Variants in COP1 observed in about 807,000 individuals in gnomAD.
COP1 encodes the protein COP1 E3 ubiquitin ligase.
COP1 carries 24 observed loss-of-function variants against 101.3 expected under a neutral mutation model. That is an observed-to-expected ratio of 0.24 (90% CI 0.17 to 0.33). The LOEUF (loss-of-function observed/expected upper bound fraction) is 0.33. Ranked by LOEUF, COP1 falls within the 10% of genes least tolerant of loss-of-function variation. COP1 has a pLI of 1.00. For synonymous variants in COP1, 347 were observed against 341.9 expected (o/e 1.01, Z -0.17); for missense variants, 663 against 906.2 (o/e 0.73, Z 3.45).
intron 15 of COP1, among the ~76,000 whole-genome samples, chr1:176,021,675 G>A (rs1233789825): frequency 6.6e-6 from 1 of 152,100 alleles, no homozygotes. Flanking sequence ...ACAATGATAG[G>A]AAAGAACTGA....
chr1:176,200,561 C>T (rs1356961945), intron 1 of COP1, among the ~76,000 whole-genome samples: 3 of 152,194 alleles, frequency 2.0e-5, no homozygotes, highest in Admixed American at 1.3e-4. Flanking sequence ...CCAATGGTTA[C>T]ACCAGAAATA....
chr1:176,181,608 C>T (rs569690122), intron 2 of COP1, among the ~76,000 whole-genome samples: 2 of 151,930 alleles, frequency 1.3e-5, no homozygotes, highest in South Asian at 2.1e-4. Flanking sequence ...TTTGGGAGGC[C>T]GAGGCGGGCG....
At chr1:176,094,541 ATATTTATCAACT>A (rs1681979535) in intron 9 of COP1, among the ~76,000 whole-genome samples, 2 of 152,064 alleles carry the variant, frequency 1.3e-5, no homozygotes, top group South Asian at 4.1e-4. Flanking sequence ...TCAAACAGAA[ATATTTATCAACT>A]ATGTTAATTT....
At chr1:176,094,673 T>TAA (rs397965708) in intron 9 of COP1, among the ~76,000 whole-genome samples, 10 of 133,974 alleles carry the variant, frequency 7.5e-5, no homozygotes, top group East Asian at 4.2e-4. Context: ...TGGAAAAAGT[T>TAA]AAAAAAAAAA....
At chr1:176,099,346 G>T (rs758314766) in intron 9 of COP1, among the ~76,000 whole-genome samples, 1 of 152,284 alleles carries the variant, frequency 6.6e-6, no homozygotes, top group South Asian at 2.1e-4. Flanking sequence ...TAAATGAACT[G>T]AACTCACCAA....
intron 11 of COP1, among the ~76,000 whole-genome samples, chr1:176,059,684 T>C (rs1234744671): frequency 5.9e-5 from 9 of 152,134 alleles, no homozygotes; most frequent in Admixed American, 5.9e-4. Context: ...GGTTTCACCA[T>C]GTTAGTCAGG....
chr1:176,102,018 T>C (rs1286770648), intron 9 of COP1, among the ~76,000 whole-genome samples: 4 of 152,092 alleles, frequency 2.6e-5, no homozygotes, highest in Non-Finnish European at 5.9e-5. Context: ...CCTAAAACAG[T>C]CTGAAGGCTG....
intron 9 of COP1, among the ~76,000 whole-genome samples, chr1:176,100,600 A>G (rs905406474): frequency 2.6e-5 from 4 of 152,186 alleles, no homozygotes; most frequent in African/African-American, 9.7e-5. Context: ...ATCTGGATCA[A>G]TATTATAGTT....
At chr1:176,049,734 GAACT>G (rs1440414538) in intron 11 of COP1, among the ~76,000 whole-genome samples, 1 of 152,044 alleles carries the variant, frequency 6.6e-6, no homozygotes, top group African/African-American at 2.4e-5. Context: ...AACAGATCAT[GAACT>G]AACTGAAATG....
chr1:176,119,674 G>C (rs958353351), intron 8 of COP1, among the ~76,000 whole-genome samples: 1 of 150,980 alleles, frequency 6.6e-6, no homozygotes, highest in African/African-American at 2.4e-5. Flanking sequence ...ATATAGAAAA[G>C]AATATTAGAA....
intron 12 of COP1, 148 bp downstream of exon 12, chr1:176,046,033 G>A: frequency 2.0e-6 from 1 of 497,608 alleles, no homozygotes; most frequent in Non-Finnish European, 3.3e-6. Context: ...GATGATATAA[G>A]TAATAATATA....
intron 14 of COP1, among the ~76,000 whole-genome samples, chr1:176,035,709 CCAA>C (rs1669383170): frequency 3.6e-5 from 1 of 27,656 alleles, no homozygotes. Context: ...TAAAACGAGA[CCAA>C]AAAAAAAAAA....
chr1:176,168,305 T>G (rs1047553690), intron 3 of COP1, among the ~76,000 whole-genome samples: 1 of 151,364 alleles, frequency 6.6e-6, no homozygotes, highest in African/African-American at 2.4e-5. Flanking sequence ...GATCCGCCCG[T>G]GTCAGACTCT....
At chr1:176,115,460 A>T (rs933620895) in intron 9 of COP1, among the ~76,000 whole-genome samples, 2 of 151,884 alleles carry the variant, frequency 1.3e-5, no homozygotes, top group Admixed American at 6.6e-5. Flanking sequence ...AAAGAAAAAT[A>T]AAAAATGGCT....
In COP1 at chr1:176,151,203, A is replaced by C. The variant is rs544458988; in HGVS notation, c.763-2129T>G. Among the ~76,000 whole-genome samples the C allele has an allele frequency of 1.1e-4, 17 of 151,736 alleles. No homozygotes were observed. In the South Asian group the frequency reaches 3.5e-3, roughly 32 times the overall value. Reference sequence around the variant, plus strand: ...AGCCCAATTCTCCCATTTTCGGATAAGGAAGCGTGTAAGAAAAAGAATAAA... The same window carrying C: ...AGCCCAATTCTCCCATTTTCGGATACGGAAGCGTGTAAGAAAAAGAATAAA... On this transcript the variant is annotated intron_variant, in intron 5 of 19. Coordinates refer to ENST00000367669, the MANE Select transcript of COP1 (RefSeq NM_022457.7).
intron 18 of COP1, among the ~76,000 whole-genome samples, chr1:175,952,147 C>T (rs755774993): frequency 3.9e-5 from 6 of 152,298 alleles, no homozygotes; most frequent in African/African-American, 1.2e-4. Context: ...AGAGGCCAGG[C>T]GCAGTGGCTC....
chr1:176,191,224 G>T (rs1291345855), intron 1 of COP1, among the ~76,000 whole-genome samples: 2 of 151,816 alleles, frequency 1.3e-5, no homozygotes, highest in African/African-American at 2.4e-5. Flanking sequence ...AAATTTCAAG[G>T]TCTTAAATTC....
chr1:176,016,446 C>T (rs1665664289), intron 15 of COP1, among the ~76,000 whole-genome samples: 1 of 152,146 alleles, frequency 6.6e-6, no homozygotes, highest in Non-Finnish European at 1.5e-5. Context: ...AATTTAGTGA[C>T]ATGAGGCTGC....
chr1:176,111,146 T>C (rs1175881707), intron 9 of COP1, among the ~76,000 whole-genome samples: 1 of 152,060 alleles, frequency 6.6e-6, no homozygotes, highest in African/African-American at 2.4e-5. Context: ...AGCGAGACCT[T>C]GTCTCAAAAA....
Sources: gnomAD v4.1 joint callset for allele counts (sites outside exome capture counted in the v4.1 genomes callset) on GRCh38, gnomAD v4.1.1 for gene constraint, MANE v1.5 for transcripts, NCBI Gene and HGNC (gene_info 2026-07-23, HGNC 2026-07-21) for gene names.